ATR: variants seen among roughly 807,000 people sequenced by gnomAD.
ATR encodes ATR checkpoint kinase, also known as serine/threonine-protein kinase ATR.
In ATR, 142 loss-of-function variants were observed where a neutral mutation model predicts 305.3. That is an observed-to-expected ratio of 0.47 (90% confidence interval 0.41 to 0.53). The LOEUF (loss-of-function observed/expected upper bound fraction) is 0.53. Ranked by LOEUF, ATR falls within the 20% of genes least tolerant of loss-of-function variation. ATR has a pLI of 0.00. For synonymous variants in ATR, 1,050 were observed against 1,068.1 expected, an observed-to-expected ratio of 0.98 and a Z score of 0.33; for missense variants, 2,135 against 3,133.1, an observed-to-expected ratio of 0.68 and a Z score of 7.60.
chr3:142,523,082 T>C (rs901797248), intron 22 of ATR, among the ~76,000 whole-genome samples: 1 of 152,194 alleles, frequency 6.6e-6, no homozygotes, highest in Non-Finnish European at 1.5e-5. Flanking sequence ...TATTCAACTT[T>C]TGCATATCTC....
chr3:142,546,246 G>C (rs1360298526), intron 16 of ATR, among the ~76,000 whole-genome samples: 1 of 152,114 alleles, frequency 6.6e-6, no homozygotes, highest in South Asian at 2.1e-4. Context: ...CCCCCCTCAT[G>C]GTTCTGGCTC....
intron 1 of ATR, 95 bp downstream of exon 1, chr3:142,578,550 TC>T: frequency 7.3e-7 from 1 of 1,376,830 alleles, no homozygotes; most frequent in Non-Finnish European, 1.0e-6. Flanking sequence ...GCTTAGGGGA[TC>T]CCAGCCATAG....
In ATR at chr3:142,459,229, T is replaced by C. The variant is rs904051578; in HGVS notation, c.7347A>G (p.Ser2449=). 7 of 1,614,008 alleles carry C rather than the reference T, an allele frequency of 4.3e-6. No homozygotes were observed. The highest frequency in any genetic ancestry group is 5.9e-6 in the Non-Finnish European group (7 of 1,179,864). The change falls in exon 43 of 47, where the codon TCA becomes TCG. Residue 2449 remains serine, a splice_region_variant and synonymous_variant. Coordinates refer to ENST00000350721, the MANE Select transcript of ATR (RefSeq NM_001184.4). ...WFLRTFPDPT[S]WYSSRSAYCR... ...GTATTATATTCTTGGTAACTTACCA[T>C]GATGTAGGATCAGGGAATGTTCTCA... is the stretch of plus-strand genomic sequence containing the variant.
At chr3:142,553,095 C>T (rs189384990) in intron 13 of ATR, 132 bp downstream of exon 13, 10 of 1,190,388 alleles carry the variant, frequency 8.4e-6, no homozygotes, top group Middle Eastern at 2.8e-4. Context: ...TGCAATATAC[C>T]CCTGAACTTA....
At chr3:142,487,110 C>T (rs947854597) in intron 35 of ATR, among the ~76,000 whole-genome samples, 9 of 152,006 alleles carry the variant, frequency 5.9e-5, no homozygotes, top group Non-Finnish European at 1.3e-4. Flanking sequence ...CCAGCCTGAG[C>T]GACAGAGCGA....
At chr3:142,545,322 A>G (rs1419027496) in intron 16 of ATR, among the ~76,000 whole-genome samples, 1 of 151,950 alleles carries the variant, frequency 6.6e-6, no homozygotes, top group Admixed American at 6.5e-5. Flanking sequence ...GGTACTCAGG[A>G]AACTCTTGAA....
chr3:142,535,133 C>G lies in ATR; in HGVS notation c.3892G>C (p.Asp1298His), dbSNP rs1406692405. 2 of 1,613,050 alleles carry G rather than the reference C, an allele frequency of 1.2e-6. No individual in the cohort carries two copies. The highest frequency in any genetic ancestry group is 1.7e-6 in the Non-Finnish European group (2 of 1,179,348). ...SMKAIQHENVDVRIHALTSLK... is the reference protein window; with the variant it reads ...SMKAIQHENVHVRIHALTSLK... ...CTTGTAAGAGCATGAATACGAACAT[C>G]GACATTTTCATGTTGAATGGCCTTC... Residue 1298 changes from aspartate (D) to histidine (H), a missense_variant, in exon 21 of 47, where the codon GAT (aspartate) becomes CAT (histidine). Transcript: ENST00000350721.
At chr3:142,541,572 C>G (rs1424677865) in intron 17 of ATR, among the ~76,000 whole-genome samples, 6 of 152,120 alleles carry the variant, frequency 3.9e-5, no homozygotes, top group Non-Finnish European at 7.4e-5. Context: ...ATGAAAAACA[C>G]AGAACCAGAC....
At chr3:142,450,598 G>C in intron 46 of ATR, 1 of 1,607,864 alleles carries the variant, frequency 6.2e-7, no homozygotes, top group East Asian at 2.2e-5. Flanking sequence ...TGAAGAACTT[G>C]CCATCTTAGG....
chr3:142,509,392 G>A (rs2032427958), intron 27 of ATR, among the ~76,000 whole-genome samples: 1 of 151,908 alleles, frequency 6.6e-6, no homozygotes, highest in Non-Finnish European at 1.5e-5. Flanking sequence ...TTGAACTCCT[G>A]AGCTCAAGTG....
intron 23 of ATR, among the ~76,000 whole-genome samples, chr3:142,521,511 C>G (rs1345977144): frequency 1.3e-5 from 2 of 152,124 alleles, no homozygotes; most frequent in African/African-American, 4.8e-5. Flanking sequence ...GCAGAGTAAA[C>G]TGAAAACCTT....
Position 142,558,738 on chromosome 3 carries a change from A to G in ATR, c.1771T>C (p.Cys591Arg). Residue 591 changes from cysteine to arginine, a missense_variant, in exon 8 of 47, where the codon TGT becomes CGT. Transcript: ENST00000350721. ...ATCCATGGAAGTGAGAGCATACCAC[A>G]TAAATCTTCCAGGATATGATCTTCA... ...SFEDHILEDL[C>R]GMLSLPWIYS... is the part of the protein sequence containing the mutation. 1 of 1,611,360 alleles carries G rather than the reference A, an allele frequency of 6.2e-7. No homozygotes were observed. The highest frequency in any genetic ancestry group is 8.5e-7 in the Non-Finnish European group (1 of 1,178,014).
Position 142,493,125 on chromosome 3 carries a change from T to C in ATR, c.6078+7A>G, listed in dbSNP as rs1394465545. 1.2e-6 allele frequency: 2 copies of C among 1,613,148 alleles called. No homozygotes were observed. Among genetic ancestry groups the C allele is most frequent in the Admixed American group, 1.7e-5 (1 of 59,958 alleles). Reference sequence around the variant, plus strand: ...GTTAACTGAAACTGCATTATACATATACTTGCCTTATATTTTTTCATAATT... The same window carrying C: ...GTTAACTGAAACTGCATTATACATACACTTGCCTTATATTTTTTCATAATT... On this transcript the variant is annotated splice_region_variant and intron_variant, in intron 35 of 46. Coordinates refer to ENST00000350721, the MANE Select transcript of ATR (RefSeq NM_001184.4).
At chr3:142,535,419 A>C (rs868783808) in intron 20 of ATR, among the ~76,000 whole-genome samples, 5 of 152,080 alleles carry the variant, frequency 3.3e-5, no homozygotes, top group Admixed American at 1.3e-4. Context: ...ACCTGGAGAA[A>C]AATTTTATCC....
intron 13 of ATR, among the ~76,000 whole-genome samples, chr3:142,551,644 C>T (rs1467037601): frequency 6.6e-6 from 1 of 152,016 alleles, no homozygotes; most frequent in African/African-American, 2.4e-5. Context: ...AAACTGGACC[C>T]CTTCCTCACA....
chr3:142,484,946 T>C (rs559080733), intron 36 of ATR, among the ~76,000 whole-genome samples, 194 bp downstream of exon 36: 1 of 152,308 alleles, frequency 6.6e-6, no homozygotes, highest in South Asian at 2.1e-4. Context: ...TATATCACTT[T>C]TTTCATTTAA....
At chr3:142,535,233 C>A (rs760716427) in intron 20 of ATR, 28 bp from the exon 21 acceptor site, 1 of 1,611,718 alleles carries the variant, frequency 6.2e-7, no homozygotes, top group East Asian at 2.2e-5. Context: ...AGAGACAGAA[C>A]TTATTAATCA....
At chr3:142,567,370 C>T (rs1415305694) in intron 2 of ATR, among the ~76,000 whole-genome samples, 2 of 152,186 alleles carry the variant, frequency 1.3e-5, no homozygotes, top group African/African-American at 4.8e-5. Context: ...GATACAAAAA[C>T]ACATCTTGTA....
intron 36 of ATR, among the ~76,000 whole-genome samples, 184 bp from the exon 37 acceptor site, chr3:142,470,367 T>C (rs531964054): frequency 2.6e-5 from 4 of 152,292 alleles, no homozygotes; most frequent in African/African-American, 9.6e-5. Context: ...CTACATTCCC[T>C]GTACCAAAAA....
Sources: gnomAD v4.1 joint callset for allele counts (sites outside exome capture counted in the v4.1 genomes callset) on GRCh38, gnomAD v4.1.1 for gene constraint, MANE v1.5 for transcripts, NCBI Gene and HGNC (gene_info 2026-07-23, HGNC 2026-07-21) for gene names.